The following WDR70 variants were observed in gnomAD, a reference collection of about 807,000 sequenced individuals.
WDR70 encodes WD repeat-containing protein 70.
A neutral mutation model predicts 88.6 loss-of-function variants in WDR70; 53 were observed. That is an observed-to-expected ratio of 0.60 (90% CI 0.48 to 0.75). WDR70 has a LOEUF of 0.75. WDR70 is among the 30% of genes least tolerant of loss of function. The pLI is 0.00. For synonymous variants in WDR70, 280 were observed against 270.0 expected (o/e 1.04, Z -0.36); for missense variants, 610 against 823.2 (o/e 0.74, Z 3.17).
chr5:37,668,162 C>T (rs1745919958), intron 10 of WDR70, among the ~76,000 whole-genome samples: 1 of 152,128 alleles, frequency 6.6e-6, no homozygotes, highest in Non-Finnish European at 1.5e-5. Flanking sequence ...AATCATTCCT[C>T]TTGGTGATTT....
intron 10 of WDR70, among the ~76,000 whole-genome samples, chr5:37,633,587 T>C (rs911880142): frequency 6.6e-6 from 1 of 151,988 alleles, no homozygotes; most frequent in African/African-American, 2.4e-5. Context: ...GCTTTCTAAA[T>C]GCTGTGAGTT....
At chr5:37,649,881 G>C (rs1250601846) in intron 10 of WDR70, among the ~76,000 whole-genome samples, 1 of 145,574 alleles carries the variant, frequency 6.9e-6, no homozygotes, top group African/African-American at 2.5e-5. Context: ...GGGACTACAG[G>C]CGCCCGCCAC....
chr5:37,401,164 ATTTTT>A (rs559450523), intron 5 of WDR70, among the ~76,000 whole-genome samples: 1 of 69,124 alleles, frequency 1.4e-5, no homozygotes, highest in African/African-American at 5.3e-5. Context: ...ACACCTAGCT[ATTTTT>A]TTTTTTTTTT....
intron 3 of WDR70, among the ~76,000 whole-genome samples, chr5:37,388,376 A>G (rs1748694611): frequency 6.8e-6 from 1 of 147,328 alleles, no homozygotes; most frequent in Non-Finnish European, 1.5e-5. Context: ...GCAGCCTCCC[A>G]AAGTGTTGGG....
chr5:37,516,409 G>T, intron 8 of WDR70, 105 bp from the exon 9 acceptor site: 1 of 574,610 alleles, frequency 1.7e-6, no homozygotes, highest in South Asian at 2.5e-5. Context: ...GCCCTTTTGG[G>T]GGAACTAAAC....
At chr5:37,530,850 T>A (rs1741461981) in intron 9 of WDR70, among the ~76,000 whole-genome samples, 1 of 151,694 alleles carries the variant, frequency 6.6e-6, no homozygotes, top group Non-Finnish European at 1.5e-5. Context: ...TGGGTTTGGA[T>A]TGTTCTTATT....
At position 37,392,019 on chromosome 5, in the gene WDR70, A is replaced by G. The variant is rs1322273456; in HGVS notation, c.195A>G (p.Glu65=). 7 of 1,601,982 alleles carry G rather than the reference A, an allele frequency of 4.4e-6. No homozygotes were observed. Among genetic ancestry groups the G allele is most frequent in the Non-Finnish European group, 5.9e-6 (7 of 1,177,242 alleles). ...RKTLEAREKE[E]EMNREKELRR... ...TTTCAGAAGCAAGAGAAAAAGAGGA[A>G]GAAATGAACAGAGAGAAAGAATTAA... Residue 65 remains glutamate, a synonymous_variant, in exon 4 of 18, where the codon GAA becomes GAG. Transcript: ENST00000265107.
chr5:37,653,203 G>GT (rs1745456362), intron 10 of WDR70, among the ~76,000 whole-genome samples: 1 of 152,240 alleles, frequency 6.6e-6, no homozygotes, highest in African/African-American at 2.4e-5. Context: ...ATAATCATGT[G>GT]TTTTTTGTCA....
At chr5:37,563,105 G>T (rs1351904076) in intron 9 of WDR70, among the ~76,000 whole-genome samples, 2 of 65,816 alleles carry the variant, frequency 3.0e-5, no homozygotes, top group Non-Finnish European at 7.9e-5. Flanking sequence ...CTCCCGGACG[G>T]GGCGGCTGGC....
In WDR70 at chr5:37,605,237, C is replaced by G; in HGVS notation, c.1091C>G (p.Thr364Ser). 1 of 1,591,344 alleles carries G rather than the reference C, an allele frequency of 6.3e-7. No homozygotes were observed. Among genetic ancestry groups the G allele is most frequent in the Non-Finnish European group, 8.6e-7 (1 of 1,169,396 alleles). ...GSIQIWDRNL[T>S]VHPKFHYKQA... Reference sequence around the variant, plus strand: ...ATACAGATCTGGGACCGAAATTTGACTGTAAGTTAAATCTTTTCTTAGAAC... The same window carrying G: ...ATACAGATCTGGGACCGAAATTTGAGTGTAAGTTAAATCTTTTCTTAGAAC... Residue 364 changes from threonine (T) to serine (S), a missense_variant and splice_region_variant, in exon 10 of 18, where the codon ACT becomes AGT. By Grantham distance (58) the Thr-to-Ser change is moderately conservative. This residue lies in a region of WDR70 where 254 missense variants were observed against 300.7 expected (regional missense o/e 0.84). Transcript: ENST00000265107.
intron 7 of WDR70, among the ~76,000 whole-genome samples, chr5:37,462,090 A>G (rs1314292408): frequency 3.9e-5 from 6 of 152,008 alleles, no homozygotes; most frequent in Non-Finnish European, 1.5e-5. Context: ...TCCTGATTTA[A>G]TATTTTTCTA....
At chr5:37,410,411 T>A (rs1749490396) in intron 5 of WDR70, among the ~76,000 whole-genome samples, 1 of 151,914 alleles carries the variant, frequency 6.6e-6, no homozygotes, top group Non-Finnish European at 1.5e-5. Context: ...AGTTTCTGCT[T>A]GTTAAAATTC....
intron 9 of WDR70, among the ~76,000 whole-genome samples, chr5:37,574,177 C>T (rs370435979): frequency 2.6e-5 from 4 of 152,116 alleles, no homozygotes; most frequent in African/African-American, 9.7e-5. Context: ...GCAAAGGTTG[C>T]TTGTTAGAGG....
intron 9 of WDR70, among the ~76,000 whole-genome samples, chr5:37,573,012 G>T (rs1429529721): frequency 6.6e-6 from 1 of 151,976 alleles, no homozygotes; most frequent in Non-Finnish European, 1.5e-5. Flanking sequence ...CTTCTTCCTG[G>T]AATGCTCTTA....
At chr5:37,450,831 A>T (rs188319992) in intron 7 of WDR70, among the ~76,000 whole-genome samples, 27 of 152,092 alleles carry the variant, frequency 1.8e-4, no homozygotes, top group African/African-American at 6.3e-4. Flanking sequence ...CTGTGTGTGT[A>T]TATATTTATG....
At chr5:37,413,145 A>T (rs1749575658) in intron 5 of WDR70, among the ~76,000 whole-genome samples, 1 of 152,086 alleles carries the variant, frequency 6.6e-6, no homozygotes, top group Non-Finnish European at 1.5e-5. Context: ...GTGTTCCAAA[A>T]CCCAGTGACT....
chr5:37,424,474 G>A (rs1750059846), intron 5 of WDR70, among the ~76,000 whole-genome samples: 1 of 150,682 alleles, frequency 6.6e-6, no homozygotes, highest in Non-Finnish European at 1.5e-5. Context: ...GCGTGATCAC[G>A]GCTCACTGTA....
At chr5:37,400,256 A>T (rs545444594) in intron 5 of WDR70, among the ~76,000 whole-genome samples, 5 of 152,178 alleles carry the variant, frequency 3.3e-5, no homozygotes, top group African/African-American at 1.2e-4. Context: ...TTATTAAAAG[A>T]TAAGTAATAC....
At chr5:37,551,882 C>T (rs978992970) in intron 9 of WDR70, among the ~76,000 whole-genome samples, 1 of 148,750 alleles carries the variant, frequency 6.7e-6, no homozygotes, top group African/African-American at 2.5e-5. Flanking sequence ...AGTGATTCAC[C>T]TGCCTCAGCC....
Sources: gnomAD v4.1 joint callset for allele counts (sites outside exome capture counted in the v4.1 genomes callset) on GRCh38, gnomAD v4.1.1 for gene constraint, gnomAD v4.1.1 regional missense constraint, MANE v1.5 for transcripts, NCBI Gene and HGNC (gene_info 2026-07-23, HGNC 2026-07-21) for gene names.